Variants in POLE observed in about 807,000 individuals in gnomAD.
POLE encodes the protein DNA polymerase epsilon catalytic subunit A.
Under a neutral mutation model 279.2 loss-of-function variants are expected in POLE, and 188 were observed. The ratio of observed to expected loss-of-function variants is 0.67; its 90% CI spans 0.60 to 0.76. The LOEUF is 0.76. Among genes scored for constraint, POLE ranks in the 30% least tolerant of loss-of-function variants. The pLI is 0.00. For missense variants in POLE, 2,703 were observed against 3,016.7 expected (o/e 0.90, Z 2.44); for synonymous variants, 1,214 against 1,172.5 (o/e 1.04, Z -0.72).
chr12:132,649,955 A>G, intron 29 of POLE, 66 bp from the exon 30 acceptor site: 1 of 1,439,454 alleles, frequency 6.9e-7, no homozygotes. Context: ...TCATGCCTGG[A>G]ATGCCAGCAC....
At chr12:132,666,677 CAGAG>C (rs1033417118) in intron 20 of POLE, among the ~76,000 whole-genome samples, 35 of 141,446 alleles carry the variant, frequency 2.5e-4, no homozygotes, top group African/African-American at 9.3e-4. Flanking sequence ...TCGTGGAATT[CAGAG>C]AGAGAAAGTG....
At chr12:132,643,699 T>C in intron 33 of POLE, 138 bp downstream of exon 33, 1 of 1,450,064 alleles carries the variant, frequency 6.9e-7, no homozygotes, top group South Asian at 1.3e-5. Context: ...GCAGACACAC[T>C]GCTGACATTC....
intron 44 of POLE, 21 bp from the exon 45 acceptor site, chr12:132,632,529 A>AG: frequency 6.2e-7 from 1 of 1,612,612 alleles, no homozygotes; most frequent in East Asian, 2.2e-5. Flanking sequence ...AAGGATGCTG[A>AG]GGGAGGGGTC....
chr12:132,625,031 C>T (rs772491715), intron 47 of POLE, 37 bp from the exon 48 acceptor site: 22 of 1,523,248 alleles, frequency 1.4e-5, no homozygotes, highest in African/African-American at 9.6e-5. Flanking sequence ...CCAGCCCTCC[C>T]GCGCTGGCCA....
chr12:132,658,371 A>T (rs114209857), intron 26 of POLE: 233 of 182,966 alleles, frequency 1.3e-3, no homozygotes, highest in African/African-American at 5.4e-3. Context: ...CACATACATA[A>T]ACGCATGCGT....
At chr12:132,673,064 C>T in intron 14 of POLE, 100 bp downstream of exon 14, 1 of 867,386 alleles carries the variant, frequency 1.2e-6, no homozygotes, top group Admixed American at 1.9e-5. Context: ...GCCTCTGGTG[C>T]CAGCACTCCT....
chr12:132,634,440 T>A lies in POLE; in HGVS notation c.5812-62A>T. The A allele has an allele frequency of 6.6e-7, 1 of 1,522,372 alleles. No individual in the cohort carries two copies. The highest frequency in any genetic ancestry group is 9.0e-7 in the Non-Finnish European group (1 of 1,113,922). 94.3% of individuals were successfully genotyped at this position (1,522,372 alleles called of 1,614,324 possible). A position where few individuals can be genotyped will look rare whatever the true frequency, so the allele number is the denominator to read the frequency against. ...ATCGCGGCCTGGTAGAGGGGTAGGA[T>A]GCCACAGCGAAGGCTCCTCCAACCT... On this transcript the variant is annotated intron_variant, in intron 42 of 48. Coordinates refer to ENST00000320574, the MANE Select transcript of POLE (RefSeq NM_006231.4). This position sits in a 1 kb window ranked among gnomAD's most constrained non-coding sequence, Gnocchi z 4.0.
At chr12:132,651,709 A>G (rs1173935696) in intron 29 of POLE, among the ~76,000 whole-genome samples, 2 of 152,224 alleles carry the variant, frequency 1.3e-5, no homozygotes, top group African/African-American at 4.8e-5. Flanking sequence ...GAGCAGCTAT[A>G]AAACACTGTG....
chr12:132,653,140 G>A (rs192176849), intron 29 of POLE, among the ~76,000 whole-genome samples: 3 of 152,184 alleles, frequency 2.0e-5, no homozygotes, highest in Non-Finnish European at 2.9e-5. Flanking sequence ...AGTGCTTTGG[G>A]GGGGGCCCAG....
rs562509145 is a variant in POLE, at chr12:132,634,575, C to T, written c.5812-197G>A. ...CCAGTACAAAGTGCTTTGTGGGAAG[C>T]GCCTGGCACACAGAAGTGCTCGTGA... On this transcript the variant is annotated intron_variant, in intron 42 of 48. Transcript: ENST00000320574. The surrounding 1 kb of genome is among the most constrained non-coding windows in gnomAD (Gnocchi z 4.0). Among the ~76,000 whole-genome samples, 132 of 152,274 alleles carry T rather than the reference C, an allele frequency of 8.7e-4. No individual in the cohort carries two copies. Among genetic ancestry groups the T allele is most frequent in the African/African-American group, 3.0e-3 (125 of 41,546 alleles).
At chr12:132,642,071 C>A in intron 38 of POLE, 106 bp downstream of exon 38, 1 of 1,100,304 alleles carries the variant, frequency 9.1e-7, no homozygotes. Flanking sequence ...CTGACCTGCG[C>A]GGTCGAACTC....
intron 1 of POLE, 52 bp from the exon 2 acceptor site, chr12:132,681,331 G>C (rs2136035455): frequency 6.4e-7 from 1 of 1,572,798 alleles, no homozygotes; most frequent in Non-Finnish European, 8.6e-7. Flanking sequence ...ACCTGCTGCT[G>C]CTTCTTTTTT....
Position 132,639,833 on chromosome 12 carries a change from G to A in POLE, c.5379-535C>T, listed in dbSNP as rs1172975727. 6.6e-6 allele frequency among the ~76,000 whole-genome samples: 1 copy of A among 152,172 alleles called. No individual in the cohort carries two copies. The highest frequency in any genetic ancestry group is 1.5e-5 in the Non-Finnish European group (1 of 68,034). On this transcript the variant is annotated intron_variant, in intron 39 of 48. Coordinates refer to ENST00000320574, the MANE Select transcript of POLE (RefSeq NM_006231.4). The surrounding 1 kb of genome is among the most constrained non-coding windows in gnomAD (Gnocchi z 4.7). ...TGGGCTAGTGCATGCCTGTAATCCT[G>A]CTACTCGGGAGGCTAAGGCAGGAGA...
chr12:132,663,723 GGGAT>G lies in POLE; in HGVS notation c.2706+277_2706+280del, dbSNP rs5744837. On this transcript the variant is annotated intron_variant, in intron 23 of 48. Coordinates refer to ENST00000320574, the MANE Select transcript of POLE (RefSeq NM_006231.4). Reference sequence around the variant, plus strand: ...AGCATTAGGGGAAGGCAGGTTGAAGGGGATACAGAAATTCTCTGTACTATTTTTG... The same window carrying G: ...AGCATTAGGGGAAGGCAGGTTGAAGGACAGAAATTCTCTGTACTATTTTTG... Among the ~76,000 whole-genome samples, 1,157 of 152,304 alleles carry G rather than the reference GGGAT, an allele frequency of 7.6e-3. 11 individuals are homozygous for G. Among genetic ancestry groups the G allele is most frequent in the East Asian group, 0.041 (215 of 5,188 alleles).
rs2138475725 is a variant in POLE, at chr12:132,634,373, G to A, written c.5817C>T (p.Asp1939=). 6.2e-7 allele frequency: 1 copy of A among 1,612,812 alleles called. No homozygotes were observed. The highest frequency in any genetic ancestry group is 8.5e-7 in the Non-Finnish European group (1 of 1,179,138). The change falls in exon 43 of 49, where the codon GAC becomes GAT. Residue 1939 remains aspartate, a synonymous_variant. Transcript: ENST00000320574. This position sits in a 1 kb window ranked among gnomAD's most constrained non-coding sequence, Gnocchi z 4.0. The part of the protein sequence containing the change: ...VSSRIHCGLQ[D]SQKAGGAEDE... The stretch of plus-strand genomic sequence containing the variant: ...CCTCTGCTCCCCCTGCTTTCTGGGA[G>A]TCTTGCTGTAACACATGAGACAACG...
rs768547246 is a variant in POLE, at chr12:132,681,322, C to CCTG, written c.63-46_63-44dup. On this transcript the variant is annotated intron_variant, in intron 1 of 48. Coordinates refer to ENST00000320574, the MANE Select transcript of POLE (RefSeq NM_006231.4). ...ACCCCGTGCTTAATTTGTAATGCCACCTGCTGCTGCTTCTTTTTTTCTTTT... is the reference window on the plus strand; with the variant it reads ...ACCCCGTGCTTAATTTGTAATGCCACCTGCTGCTGCTGCTTCTTTTTTTCTTTT... The CCTG allele has an allele frequency of 1.9e-5, 30 of 1,581,314 alleles. No individual in the cohort carries two copies. Among genetic ancestry groups the CCTG allele is most frequent in the Non-Finnish European group, 2.5e-5 (29 of 1,165,878 alleles).
chr12:132,641,917 C>G, intron 38 of POLE, 66 bp from the exon 39 acceptor site: 1 of 1,483,492 alleles, frequency 6.7e-7, no homozygotes, highest in Non-Finnish European at 9.3e-7. Flanking sequence ...CCCCCTGGGC[C>G]TGACTCCAGC....
At chr12:132,680,130 C>G (rs1291061327) in intron 4 of POLE, 48 bp downstream of exon 4, 1 of 1,602,160 alleles carries the variant, frequency 6.2e-7, no homozygotes, top group East Asian at 2.2e-5. Context: ...AAGCCCACCA[C>G]AGAATGACAC....
chr12:132,643,620 C>A, intron 33 of POLE, 60 bp from the exon 34 acceptor site: 2 of 1,605,668 alleles, frequency 1.2e-6, no homozygotes, highest in Non-Finnish European at 1.7e-6. Flanking sequence ...TGGCTGCCCA[C>A]GTGACTTCTG....
Sources: allele counts gnomAD v4.1 joint callset (sites outside exome capture counted in the v4.1 genomes callset), GRCh38; gene constraint gnomAD v4.1.1; non-coding constraint Gnocchi (gnomAD v3.1); transcripts MANE v1.5; gene names NCBI Gene and HGNC (gene_info 2026-07-23, HGNC 2026-07-21).